ACSL1: variants seen among roughly 807,000 people sequenced by gnomAD.
ACSL1 encodes the protein acyl-CoA synthetase long chain family member 1, also known as long-chain-fatty-acid--CoA ligase 1.
Under a neutral mutation model 98.4 loss-of-function variants are expected in ACSL1, and 41 were observed. The ratio of observed to expected loss-of-function variants is 0.42; its 90% confidence interval spans 0.32 to 0.54. ACSL1 has a LOEUF of 0.54. Among genes scored for constraint, ACSL1 ranks in the 20% least tolerant of loss-of-function variants. ACSL1 has a pLI of 0.13. For synonymous variants in ACSL1, 316 were observed against 322.7 expected, an observed-to-expected ratio of 0.98 and a Z score of 0.22; for missense variants, 734 against 883.1, an observed-to-expected ratio of 0.83 and a Z score of 2.14.
chr4:184,820,625 G>A (rs960608667), intron 1 of ACSL1, among the ~76,000 whole-genome samples: 1 of 151,714 alleles, frequency 6.6e-6, no homozygotes, highest in Non-Finnish European at 1.5e-5. Context: ...TTCTTTTGGA[G>A]ACAGAGTCTC....
chr4:184,777,508 AAGAG>A (rs566386645), intron 5 of ACSL1, among the ~76,000 whole-genome samples: 4 of 150,882 alleles, frequency 2.7e-5, no homozygotes, highest in Admixed American at 6.6e-5. Context: ...GAAGGAAGGA[AAGAG>A]AGAGAGAGAA....
chr4:184,763,141 G>A, intron 16 of ACSL1, 26 bp downstream of exon 16: 2 of 1,609,764 alleles, frequency 1.2e-6, no homozygotes, highest in Non-Finnish European at 1.7e-6. Flanking sequence ...GGCAGCGAGG[G>A]AAAATGACTG....
chr4:184,772,508 C>A (rs573681299), intron 10 of ACSL1, among the ~76,000 whole-genome samples: 10 of 152,152 alleles, frequency 6.6e-5, no homozygotes, highest in Admixed American at 5.2e-4. Context: ...AATCACATCA[C>A]CCCCTTCTAA....
chr4:184,780,253 T>C, intron 5 of ACSL1, 79 bp downstream of exon 5: 1 of 1,187,228 alleles, frequency 8.4e-7, no homozygotes, highest in Non-Finnish European at 1.2e-6. Flanking sequence ...GACTACAAAA[T>C]CTGGTCTCTA....
intron 18 of ACSL1, among the ~76,000 whole-genome samples, chr4:184,759,029 G>A (rs1279053133): frequency 6.6e-6 from 1 of 151,536 alleles, no homozygotes. Context: ...ATAGTTTGCT[G>A]AGAATGATGG....
chr4:184,782,082 G>A (rs1490634805), intron 4 of ACSL1, among the ~76,000 whole-genome samples: 1 of 152,106 alleles, frequency 6.6e-6, no homozygotes, highest in East Asian at 1.9e-4. Context: ...TCGTGGTAAG[G>A]TGACAATAGG....
At chr4:184,817,516 C>G (rs1000939636) in intron 1 of ACSL1, among the ~76,000 whole-genome samples, 5 of 152,170 alleles carry the variant, frequency 3.3e-5, no homozygotes, top group African/African-American at 1.2e-4. Context: ...CCTTCCATCT[C>G]CTGAGCAGCC....
intron 1 of ACSL1, among the ~76,000 whole-genome samples, chr4:184,811,319 G>A (rs180795242): frequency 0.028 from 4,240 of 151,510 alleles, 78 homozygotes; most frequent in East Asian, 0.054. Flanking sequence ...TCACCGTGTT[G>A]GCCAGGATGG....
At chr4:184,796,707 T>C (rs1005318326) in intron 2 of ACSL1, among the ~76,000 whole-genome samples, 3 of 152,198 alleles carry the variant, frequency 2.0e-5, no homozygotes, top group African/African-American at 7.2e-5. Context: ...GATCAGGAGA[T>C]TCTTCTGAAG....
At chr4:184,822,168 T>C (rs1372754381) in intron 1 of ACSL1, among the ~76,000 whole-genome samples, 1 of 152,192 alleles carries the variant, frequency 6.6e-6, no homozygotes, top group Non-Finnish European at 1.5e-5. Flanking sequence ...TTTTTACTTT[T>C]TTTTTTCTAG....
rs1409935650 is a variant in ACSL1, at chr4:184,766,192, G to T, written c.1264-206C>A. On this transcript the variant is annotated intron_variant, in intron 13 of 20. Coordinates refer to ENST00000281455, the MANE Select transcript of ACSL1 (RefSeq NM_001995.5). The surrounding 1 kb of genome is among the most constrained non-coding windows in gnomAD (Gnocchi z 4.8). The stretch of plus-strand genomic sequence containing the variant: ...CGTGACTGCCCTGTTCCCTCCCAAT[G>T]GGGATGGAAGTCAGCCCCACCTCTG... Among the ~76,000 whole-genome samples, 1 of 152,204 alleles carries T rather than the reference G, an allele frequency of 6.6e-6. No individual in the cohort carries two copies. Among genetic ancestry groups the T allele is most frequent in the African/African-American group, 2.4e-5 (1 of 41,450 alleles).
In ACSL1 at chr4:184,773,668, G is replaced by T. The variant is rs1764840125; in HGVS notation, c.836C>A (p.Thr279Asn). 1 of 1,611,256 alleles carries T rather than the reference G, an allele frequency of 6.2e-7. No homozygotes were observed. The highest frequency in any genetic ancestry group is 1.1e-5 in the South Asian group (1 of 90,726). ...DLAVICFTSGTTGNPKGAMVT... is the reference protein window; with the variant it reads ...DLAVICFTSGNTGNPKGAMVT... The stretch of plus-strand genomic sequence containing the variant: ...AATTCTATCTCAAAACTCACCTGTA[G>T]TTCCACTTGTGAAACAAATTACTGC... Residue 279 changes from threonine to asparagine, a missense_variant, in exon 9 of 21, where the codon ACT becomes AAT. By Grantham distance (65) the Thr-to-Asn change is moderately conservative. Coordinates refer to ENST00000281455, the MANE Select transcript of ACSL1 (RefSeq NM_001995.5). This position sits in a 1 kb window ranked among gnomAD's most constrained non-coding sequence, Gnocchi z 4.3.
chr4:184,816,274 G>A (rs1182508868), intron 1 of ACSL1, among the ~76,000 whole-genome samples: 1 of 152,144 alleles, frequency 6.6e-6, no homozygotes, highest in African/African-American at 2.4e-5. Context: ...GTTGGAGGAA[G>A]CAACAAGTGA....
chr4:184,756,408 A>G lies in ACSL1; in HGVS notation c.*717T>C, dbSNP rs549730813. On this transcript the variant is annotated 3_prime_UTR_variant, in exon 21 of 21. Coordinates refer to ENST00000281455, the MANE Select transcript of ACSL1 (RefSeq NM_001995.5). ...GGCCTGGAGAACCGAGTCCAAGAGC[A>G]TTCTGCCATGAAAGAGAATCCACGC... The G allele has an allele frequency of 6.6e-6, 1 of 152,654 alleles. No individual in the cohort carries two copies. The highest frequency in any genetic ancestry group is 1.5e-5 in the Non-Finnish European group (1 of 68,040). 9.5% of individuals were successfully genotyped at this position (152,654 alleles called of 1,614,324 possible).
chr4:184,821,235 C>G, intron 1 of ACSL1: 2 of 375,208 alleles, frequency 5.3e-6, no homozygotes, highest in South Asian at 1.8e-5. Flanking sequence ...ACACCTGGAC[C>G]CTGAAGGAGA....
chr4:184,810,316 C>T (rs577331609), intron 1 of ACSL1, among the ~76,000 whole-genome samples: 30 of 152,308 alleles, frequency 2.0e-4, no homozygotes, highest in African/African-American at 2.2e-4. Flanking sequence ...CCTCTCTCCC[C>T]GAGGCTGTTC....
chr4:184,788,144 A>G (rs1767722253), intron 3 of ACSL1, among the ~76,000 whole-genome samples: 1 of 152,190 alleles, frequency 6.6e-6, no homozygotes, highest in Non-Finnish European at 1.5e-5. Flanking sequence ...GGTATGCTGG[A>G]TATCACAGGG....
chr4:184,786,853 C>G (rs1767466635), intron 3 of ACSL1, among the ~76,000 whole-genome samples: 1 of 152,120 alleles, frequency 6.6e-6, no homozygotes, highest in Non-Finnish European at 1.5e-5. Context: ...ACCACCATGC[C>G]CAGCTAACTT....
intron 3 of ACSL1, among the ~76,000 whole-genome samples, chr4:184,784,806 G>A (rs758748428): frequency 6.7e-4 from 102 of 152,250 alleles, no homozygotes; most frequent in Non-Finnish European, 1.3e-3. Context: ...AATCAGCCAC[G>A]TGGCTGAGGA....
Sources: allele counts gnomAD v4.1 joint callset (sites outside exome capture counted in the v4.1 genomes callset), GRCh38; gene constraint gnomAD v4.1.1; non-coding constraint Gnocchi (gnomAD v3.1); transcripts MANE v1.5; gene names NCBI Gene and HGNC (gene_info 2026-07-23, HGNC 2026-07-21).